Variants in CNOT10 observed in about 807,000 individuals in gnomAD.
CNOT10 encodes the protein CCR4-NOT transcription complex, subunit 10.
A neutral mutation model predicts 94.6 loss-of-function variants in CNOT10; 30 were observed. That is an observed-to-expected ratio of 0.32 (90% confidence interval 0.24 to 0.43). CNOT10 has a LOEUF of 0.43. Among genes scored for constraint, CNOT10 ranks in the 20% least tolerant of loss-of-function variants. The probability of loss-of-function intolerance (pLI) is 1.00; values close to 1 mark genes in which losing one functional copy is unlikely to be tolerated. For missense variants in CNOT10, 759 were observed against 877.2 expected (o/e 0.87, Z 1.70); for synonymous variants, 289 against 301.6 (o/e 0.96, Z 0.43).
In CNOT10 at chr3:32,716,369, A is replaced by G. The variant is rs115116954; in HGVS notation, c.660+58A>G. The G allele has an allele frequency of 7.4e-3, 6,238 of 843,010 alleles. 34 individuals are homozygous for G. Among genetic ancestry groups the G allele is most frequent in the Non-Finnish European group, 9.6e-3 (4,971 of 519,440 alleles). 52.2% of individuals were successfully genotyped at this position (843,010 alleles called of 1,614,324 possible). On this transcript the variant is annotated intron_variant, in intron 6 of 18. Transcript: ENST00000328834. ...ACATATATTTAATTGTAGTTATGAC[A>G]AATGAAGCAATGAGATAGATCATTG...
intron 1 of CNOT10, among the ~76,000 whole-genome samples, chr3:32,698,140 T>C (rs908404450): frequency 1.3e-5 from 2 of 152,234 alleles, no homozygotes; most frequent in South Asian, 2.1e-4. Flanking sequence ...GTGAAACTCA[T>C]TGTTATTGGC....
intron 1 of CNOT10, among the ~76,000 whole-genome samples, chr3:32,698,934 T>C (rs1383226717): frequency 1.3e-5 from 2 of 152,166 alleles, no homozygotes; most frequent in Admixed American, 6.5e-5. Context: ...TACAGATGCA[T>C]GCCACCATGC....
rs138131785 is a variant in CNOT10 at position 32,763,714 on chromosome 3, A to C, written c.1841-741A>C. 4.2e-3 allele frequency among the ~76,000 whole-genome samples: 647 copies of C among 152,296 alleles called. 4 individuals are homozygous for C. Among genetic ancestry groups the C allele is most frequent in the African/African-American group, 0.015 (623 of 41,586 alleles). On this transcript the variant is annotated intron_variant, in intron 15 of 18. Coordinates refer to ENST00000328834, the MANE Select transcript of CNOT10 (RefSeq NM_015442.3). ...TTCATTTTACTCAAGACTAGTGCTC[A>C]GGTTTGAGATGGTGGTGGGTGGTAG...
chr3:32,726,241 G>T (rs1575247158), intron 9 of CNOT10, among the ~76,000 whole-genome samples: 1 of 152,130 alleles, frequency 6.6e-6, no homozygotes, highest in Non-Finnish European at 1.5e-5. Flanking sequence ...ACTGTGCCCG[G>T]CTTGTTATAG....
chr3:32,712,300 A>G (rs1164214976), intron 4 of CNOT10, among the ~76,000 whole-genome samples: 2 of 151,990 alleles, frequency 1.3e-5, no homozygotes, highest in African/African-American at 4.8e-5. Context: ...TATTCTCCTC[A>G]TTTGACAGGT....
At chr3:32,725,906 G>T (rs1468762586) in intron 9 of CNOT10, among the ~76,000 whole-genome samples, 1 of 150,152 alleles carries the variant, frequency 6.7e-6, no homozygotes, top group Non-Finnish European at 1.5e-5. Context: ...CAACATGACT[G>T]TGCCAAACTA....
At chr3:32,747,590 C>G (rs1051038977) in intron 13 of CNOT10, among the ~76,000 whole-genome samples, 5 of 151,210 alleles carry the variant, frequency 3.3e-5, no homozygotes, top group African/African-American at 9.7e-5. Flanking sequence ...CACAAACTTT[C>G]ACTACACCAC....
chr3:32,726,693 CCAT>C (rs548595715), intron 9 of CNOT10, among the ~76,000 whole-genome samples: 2,153 of 82,884 alleles, frequency 0.026, 32 homozygotes, highest in South Asian at 0.091. Flanking sequence ...GAGACTCTGT[CCAT>C]AATAATAATA....
At chr3:32,691,910 A>G (rs1696863520) in intron 1 of CNOT10, among the ~76,000 whole-genome samples, 1 of 151,846 alleles carries the variant, frequency 6.6e-6, no homozygotes, top group Non-Finnish European at 1.5e-5. Flanking sequence ...GTAAAAAATT[A>G]GTGGTGGCGC....
chr3:32,764,918 G>T, intron 17 of CNOT10, 109 bp downstream of exon 17: 1 of 1,527,148 alleles, frequency 6.5e-7, no homozygotes, highest in South Asian at 1.2e-5. Flanking sequence ...GTTAAATATT[G>T]GAATATCACT....
intron 1 of CNOT10, among the ~76,000 whole-genome samples, chr3:32,687,915 A>G (rs190684909): frequency 6.6e-5 from 10 of 152,274 alleles, no homozygotes; most frequent in Middle Eastern, 3.4e-3. Context: ...TCTGGTGAAC[A>G]CTATTCATTC....
intron 16 of CNOT10, 83 bp from the exon 17 acceptor site, chr3:32,764,599 G>C: frequency 7.5e-6 from 12 of 1,602,286 alleles, no homozygotes; most frequent in Non-Finnish European, 1.0e-5. Flanking sequence ...GCTGTGCCAA[G>C]TGGCTCCTCA....
intron 1 of CNOT10, chr3:32,695,823 G>C (rs1697025423): frequency 6.5e-7 from 1 of 1,534,982 alleles, no homozygotes; most frequent in East Asian, 2.4e-5. Context: ...TGCAGACTCT[G>C]TCTGGTAAGA....
At chr3:32,728,544 T>TGG (rs1214364126) in intron 10 of CNOT10, among the ~76,000 whole-genome samples, 2 of 151,480 alleles carry the variant, frequency 1.3e-5, no homozygotes, top group Non-Finnish European at 2.9e-5. Flanking sequence ...GCCTGGGAGG[T>TGG]GGAGGTTGGA....
chr3:32,699,833 A>C (rs1697251278), intron 1 of CNOT10, among the ~76,000 whole-genome samples: 1 of 152,146 alleles, frequency 6.6e-6, no homozygotes, highest in Non-Finnish European at 1.5e-5. Context: ...ATTCTTGACA[A>C]CTTTCTGGAA....
At chr3:32,729,958 C>T (rs917459823) in intron 10 of CNOT10, among the ~76,000 whole-genome samples, 12 of 150,784 alleles carry the variant, frequency 8.0e-5, no homozygotes, top group Non-Finnish European at 1.3e-4. Flanking sequence ...TTAGTAGAGA[C>T]GGGGTTTCAC....
At chr3:32,724,033 T>G (rs1698539163) in intron 8 of CNOT10, among the ~76,000 whole-genome samples, 1 of 152,062 alleles carries the variant, frequency 6.6e-6, no homozygotes, top group African/African-American at 2.4e-5. Flanking sequence ...TGAGCCCTAA[T>G]TATGCCACTG....
At chr3:32,742,962 GT>G (rs1559505311) in intron 13 of CNOT10, among the ~76,000 whole-genome samples, 1 of 147,412 alleles carries the variant, frequency 6.8e-6, no homozygotes, top group Non-Finnish European at 1.5e-5. Flanking sequence ...AGTTTTACAA[GT>G]TTACTTGAAT....
intron 2 of CNOT10, 54 bp from the exon 3 acceptor site, chr3:32,704,757 T>A: frequency 7.3e-6 from 11 of 1,497,666 alleles, no homozygotes; most frequent in Non-Finnish European, 9.8e-6. Context: ...TGATATACTG[T>A]ATTTAAAGCT....
Sources: gnomAD v4.1 joint callset for allele counts (sites outside exome capture counted in the v4.1 genomes callset) on GRCh38, gnomAD v4.1.1 for gene constraint, MANE v1.5 for transcripts, NCBI Gene and HGNC (gene_info 2026-07-23, HGNC 2026-07-21) for gene names.